Variants in NRG1 observed in about 807,000 individuals in gnomAD.
NRG1 encodes the protein neuregulin 1, also known as pro-neuregulin-1, membrane-bound isoform.
A neutral mutation model predicts 63.8 loss-of-function variants in NRG1; 18 were observed. The ratio of observed to expected loss-of-function variants is 0.28; its 90% CI spans 0.19 to 0.42. The LOEUF (loss-of-function observed/expected upper bound fraction) is 0.42. Ranked by LOEUF, NRG1 falls within the 10% of genes least tolerant of loss-of-function variation. NRG1 has a pLI of 1.00. For synonymous variants in NRG1, 302 were observed against 301.3 expected, an observed-to-expected ratio of 1.00 and a Z score of -0.02; for missense variants, 762 against 814.7, an observed-to-expected ratio of 0.94 and a Z score of 0.79.
intron 5 of NRG1, among the ~76,000 whole-genome samples, chr8:32,671,739 G>A (rs1353008150): frequency 6.6e-6 from 1 of 152,074 alleles, no homozygotes; most frequent in Non-Finnish European, 1.5e-5. Flanking sequence ...AGTATTTTAA[G>A]ATGGGCCCCT....
chr8:32,444,434 C>T (rs1193172668), intron 1 of NRG1, among the ~76,000 whole-genome samples: 1 of 152,144 alleles, frequency 6.6e-6, no homozygotes, highest in Admixed American at 6.6e-5. Flanking sequence ...GCCACCATGT[C>T]CAGCCCAATA....
chr8:32,301,727 A>T (rs1855583681), intron 1 of NRG1, among the ~76,000 whole-genome samples: 1 of 152,156 alleles, frequency 6.6e-6, no homozygotes, highest in African/African-American at 2.4e-5. Context: ...AAACCATCAG[A>T]TCTCGTGAGA....
At chr8:31,806,955 G>T (rs1263890221) in intron 1 of NRG1, among the ~76,000 whole-genome samples, 1 of 152,150 alleles carries the variant, frequency 6.6e-6, no homozygotes, top group Non-Finnish European at 1.5e-5. Context: ...GTTGGCAAAG[G>T]TTCTATAAAA....
At chr8:32,681,186 A>G (rs1808522158) in intron 5 of NRG1, among the ~76,000 whole-genome samples, 2 of 152,212 alleles carry the variant, frequency 1.3e-5, no homozygotes, top group Admixed American at 6.5e-5. Context: ...GTTTTCTGGT[A>G]ATCTGCAAAA....
chr8:32,157,427 C>T (rs925173618), intron 1 of NRG1, among the ~76,000 whole-genome samples: 1 of 149,532 alleles, frequency 6.7e-6, no homozygotes, highest in Non-Finnish European at 1.5e-5. Context: ...TTTGGGAGGC[C>T]GAGGCGGGCG....
intron 1 of NRG1, among the ~76,000 whole-genome samples, chr8:32,361,348 C>T (rs1435125506): frequency 6.6e-6 from 1 of 152,084 alleles, no homozygotes; most frequent in African/African-American, 2.4e-5. Flanking sequence ...CCACAGGTGA[C>T]AAGAGTCTCC....
chr8:31,695,756 AG>A lies in NRG1; in HGVS notation c.37+56331del, dbSNP rs1016965250. On this transcript the variant is annotated intron_variant, in intron 1 of 10. Coordinates refer to the NRG1 transcript ENST00000519301. ...CAACTATTTTATCTTCCTTAAAGAT[AG>A]GGGGGTTGAAAGTTGATTTTATAGT... is the stretch of plus-strand genomic sequence containing the variant. Among the ~76,000 whole-genome samples the A allele has an allele frequency of 1.1e-4, 17 of 152,330 alleles. No individual in the cohort carries two copies. In the South Asian group the frequency reaches 1.4e-3, roughly 13 times the overall value.
intron 1 of NRG1, among the ~76,000 whole-genome samples, chr8:31,730,967 A>G (rs1345062522): frequency 1.3e-5 from 2 of 152,168 alleles, no homozygotes; most frequent in Non-Finnish European, 2.9e-5. Context: ...AGTAAAGAAC[A>G]TAGTTTTTTT....
At chr8:32,707,035 T>C (rs946348465) in intron 5 of NRG1, among the ~76,000 whole-genome samples, 1 of 152,070 alleles carries the variant, frequency 6.6e-6, no homozygotes, top group African/African-American at 2.4e-5. Flanking sequence ...CTGAATATTC[T>C]AAAAAATGTA....
At chr8:31,929,507 C>T (rs1834690340) in intron 1 of NRG1, among the ~76,000 whole-genome samples, 1 of 151,746 alleles carries the variant, frequency 6.6e-6, no homozygotes, top group South Asian at 2.1e-4. Flanking sequence ...TATATTCTTA[C>T]ATAATACACA....
intron 1 of NRG1, among the ~76,000 whole-genome samples, chr8:31,981,827 A>T (rs1250636129): frequency 2.0e-5 from 3 of 150,978 alleles, no homozygotes; most frequent in African/African-American, 7.3e-5. Context: ...AAGAGCTTAC[A>T]AAAAAAAAGG....
intron 1 of NRG1, among the ~76,000 whole-genome samples, chr8:31,882,623 AG>A (rs1304507138): frequency 2.0e-5 from 3 of 152,282 alleles, no homozygotes; most frequent in African/African-American, 7.2e-5. Flanking sequence ...TCATCATTGT[AG>A]ATGCCGTTAA....
At chr8:31,777,486 G>A (rs1819260575) in intron 1 of NRG1, among the ~76,000 whole-genome samples, 1 of 152,242 alleles carries the variant, frequency 6.6e-6, no homozygotes, top group Non-Finnish European at 1.5e-5. Flanking sequence ...AGGCCCATGT[G>A]CCTGCATGGT....
intron 1 of NRG1, among the ~76,000 whole-genome samples, chr8:31,760,864 C>G (rs969170706): frequency 1.3e-5 from 2 of 152,116 alleles, no homozygotes; most frequent in Admixed American, 6.5e-5. Flanking sequence ...GGACTGTAAA[C>G]TAGTTCAACC....
At chr8:32,609,726 A>T (rs1171434093) in intron 3 of NRG1, among the ~76,000 whole-genome samples, 1 of 137,900 alleles carries the variant, frequency 7.3e-6, no homozygotes, top group African/African-American at 2.8e-5. Flanking sequence ...CAGTGGCAGG[A>T]TCTCGGCCAC....
chr8:32,554,410 A>G (rs1834717723), intron 1 of NRG1, among the ~76,000 whole-genome samples: 1 of 152,176 alleles, frequency 6.6e-6, no homozygotes. Context: ...AAAAGAAGAA[A>G]TGGACAGCTT....
Position 32,742,365 on chromosome 8 carries a change from C to A in NRG1, c.633-310C>A, listed in dbSNP as rs1049650948. ...TTCCAACGTGTGTGACCAAAGCCAT[C>A]ATATGGAAAACTGAGATGAATAAAA... On this transcript the variant is annotated intron_variant, in intron 6 of 11. Coordinates refer to ENST00000356819, the Ensembl canonical transcript of NRG1. The surrounding 1 kb of genome is among the most constrained non-coding windows in gnomAD (Gnocchi z 4.2). Among the ~76,000 whole-genome samples, 1 of 152,074 alleles carries A rather than the reference C, an allele frequency of 6.6e-6. No individual in the cohort carries two copies. Among genetic ancestry groups the A allele is most frequent in the Non-Finnish European group, 1.5e-5 (1 of 68,020 alleles).
intron 5 of NRG1, among the ~76,000 whole-genome samples, chr8:32,617,510 G>C (rs944653681): frequency 6.6e-6 from 1 of 152,198 alleles, no homozygotes; most frequent in Non-Finnish European, 1.5e-5. Context: ...TATGTCGGGG[G>C]AACTTAAAAT....
At chr8:31,753,062 C>T (rs1816642375) in intron 1 of NRG1, among the ~76,000 whole-genome samples, 1 of 151,956 alleles carries the variant, frequency 6.6e-6, no homozygotes, top group Admixed American at 6.6e-5. Context: ...CCAAAGTGAA[C>T]ATTAGAGATG....
Sources: gnomAD v4.1 joint callset for allele counts (sites outside exome capture counted in the v4.1 genomes callset) on GRCh38, gnomAD v4.1.1 for gene constraint, Gnocchi (gnomAD v3.1) non-coding constraint, MANE v1.5 for transcripts, NCBI Gene and HGNC (gene_info 2026-07-23, HGNC 2026-07-21) for gene names.